Variants in RYR2 observed in about 807,000 individuals in gnomAD.
RYR2 encodes cardiac muscle ryanodine receptor-calcium release channel.
RYR2 carries 227 observed loss-of-function variants against 601.1 expected under a neutral mutation model. The ratio of observed to expected loss-of-function variants is 0.38; its 90% CI spans 0.34 to 0.42. The LOEUF (loss-of-function observed/expected upper bound fraction) is 0.42. Among genes scored for constraint, RYR2 ranks in the 10% least tolerant of loss-of-function variants. The pLI is 1.00. For missense variants in RYR2, 4,646 were observed against 6,156.5 expected (o/e 0.75, Z 8.21); for synonymous variants, 2,223 against 2,175.1 (o/e 1.02, Z -0.61).
chr1:237,083,637 C>T (rs2148413823), intron 1 of RYR2, among the ~76,000 whole-genome samples: 1 of 152,254 alleles, frequency 6.6e-6, no homozygotes, highest in South Asian at 2.1e-4. Flanking sequence ...TATTTACAAA[C>T]ATCTGCAGGT....
intron 1 of RYR2, among the ~76,000 whole-genome samples, chr1:237,155,568 C>G (rs1675234830): frequency 6.6e-6 from 1 of 152,108 alleles, no homozygotes; most frequent in Non-Finnish European, 1.5e-5. Flanking sequence ...GGAGATACTT[C>G]CAGTTTTGTA....
At chr1:237,506,180 T>C (rs1324650155) in intron 22 of RYR2, among the ~76,000 whole-genome samples, 1 of 148,794 alleles carries the variant, frequency 6.7e-6, no homozygotes, top group Non-Finnish European at 1.5e-5. Context: ...TTTTTTCTGG[T>C]GGCTCATAAA....
chr1:237,776,691 T>A (rs1694688929), intron 87 of RYR2, among the ~76,000 whole-genome samples: 1 of 151,972 alleles, frequency 6.6e-6, no homozygotes, highest in Non-Finnish European at 1.5e-5. Flanking sequence ...AACCCCAGGC[T>A]TCCTCTGGGT....
chr1:237,764,592 G>A (rs1215704122), intron 84 of RYR2, among the ~76,000 whole-genome samples: 2 of 151,754 alleles, frequency 1.3e-5, no homozygotes, highest in African/African-American at 2.4e-5. Context: ...GGGATTACAG[G>A]CCTGCCACCA....
chr1:237,397,332 T>C (rs1268482059), intron 10 of RYR2, among the ~76,000 whole-genome samples: 1 of 151,886 alleles, frequency 6.6e-6, no homozygotes, highest in Non-Finnish European at 1.5e-5. Flanking sequence ...TCTAAGCCGA[T>C]ATGAGTGACT....
In RYR2 at chr1:237,819,321, A is replaced by G. The variant is rs1286136636; in HGVS notation, c.14590+129A>G. 2.3e-6 allele frequency: 2 copies of G among 855,878 alleles called. No individual in the cohort carries two copies. The highest frequency in any genetic ancestry group is 2.4e-5 in the East Asian group (1 of 41,024). The allele number at this position is 855,878 out of a possible 1,614,324, so 53.0% of individuals were successfully genotyped here. A position where few individuals can be genotyped will look rare whatever the true frequency, so the allele number is the denominator to read the frequency against. On this transcript the variant is annotated intron_variant, in intron 101 of 104. Transcript: ENST00000366574. The surrounding 1 kb of genome is among the most constrained non-coding windows in gnomAD (Gnocchi z 4.0). ...AAAGCCAAATCAAACTTTTCCTTCC[A>G]GTATTTCTTCATCATGCAATCTACC...
At chr1:237,472,321 G>A (rs1467801355) in intron 17 of RYR2, among the ~76,000 whole-genome samples, 1 of 152,122 alleles carries the variant, frequency 6.6e-6, no homozygotes, top group African/African-American at 2.4e-5. Context: ...GATTCAAACT[G>A]AAGAATTCTT....
intron 24 of RYR2, among the ~76,000 whole-genome samples, chr1:237,514,182 G>C (rs1009203962): frequency 1.3e-5 from 2 of 152,146 alleles, no homozygotes; most frequent in African/African-American, 2.4e-5. Flanking sequence ...ATGTTTTATT[G>C]AAAGGTCAAG....
intron 25 of RYR2, among the ~76,000 whole-genome samples, chr1:237,540,815 G>A (rs1448474512): frequency 6.6e-6 from 1 of 151,862 alleles, no homozygotes; most frequent in Non-Finnish European, 1.5e-5. Context: ...CTAATGCTGT[G>A]AAGCTACTAC....
chr1:237,286,145 A>G (rs1833420), intron 2 of RYR2, among the ~76,000 whole-genome samples: 123,732 of 151,944 alleles, frequency 0.81, 50,480 homozygotes, highest in South Asian at 0.92. Flanking sequence ...TATTTTTGAT[A>G]TAGACATTTA....
rs1475492912 is a variant in RYR2, at chr1:237,496,563, A to G, written c.2014A>G (p.Lys672Glu). The change falls in exon 20 of 105, where the codon AAA becomes GAA. Residue 672 changes from lysine (K) to glutamate (E), a missense_variant. By Grantham distance (56) the Lys-to-Glu change is moderately conservative. This residue lies in a region of RYR2 where 1,807 missense variants were observed against 2,088.1 expected (regional missense o/e 0.87). Coordinates refer to ENST00000366574, the MANE Select transcript of RYR2 (RefSeq NM_001035.3). ...CAGTGAAGGTTCTGCTCAGTATAAGAAATGGTACTATGAATTGATGGTGGA... is the reference window on the plus strand; with the variant it reads ...CAGTGAAGGTTCTGCTCAGTATAAGGAATGGTACTATGAATTGATGGTGGA... The part of the protein sequence containing the change: ...GVSEGSAQYK[K>E]WYYELMVDHT... 1 of 1,614,014 alleles carries G rather than the reference A, an allele frequency of 6.2e-7. No homozygotes were observed. Among genetic ancestry groups the G allele is most frequent in the Admixed American group, 1.7e-5 (1 of 60,024 alleles).
At chr1:237,737,949 A>G (rs930181371) in intron 79 of RYR2, among the ~76,000 whole-genome samples, 2 of 152,198 alleles carry the variant, frequency 1.3e-5, no homozygotes, top group African/African-American at 4.8e-5. Flanking sequence ...AACCCATTTT[A>G]GACTATTGTT....
intron 57 of RYR2, among the ~76,000 whole-genome samples, chr1:237,667,344 C>T (rs1424182440): frequency 6.6e-6 from 1 of 151,982 alleles, no homozygotes; most frequent in Non-Finnish European, 1.5e-5. Flanking sequence ...CCCATATGAA[C>T]GTATTAAAAT....
In RYR2 at chr1:237,709,081, A is replaced by G. The variant is rs764396074; in HGVS notation, c.10125A>G (p.Arg3375=). The change falls in exon 69 of 105, where the codon AGA becomes AGG. Residue 3375 remains arginine (R), a synonymous_variant. Coordinates refer to ENST00000366574, the MANE Select transcript of RYR2 (RefSeq NM_001035.3). ...ATGCCTTCTACCCTCTCTTGATTAG[A>G]TTTGTGGACTATAACAGGTATGATC... The part of the protein sequence containing the change: ...DLYAFYPLLI[R]FVDYNRAKWL... 40 of 1,585,490 alleles carry G rather than the reference A, an allele frequency of 2.5e-5. No individual in the cohort carries two copies. The highest frequency in any genetic ancestry group is 3.3e-5 in the Non-Finnish European group (38 of 1,165,522).
At chr1:237,248,572 T>A (rs1687139394) in intron 1 of RYR2, among the ~76,000 whole-genome samples, 1 of 152,072 alleles carries the variant, frequency 6.6e-6, no homozygotes, top group Non-Finnish European at 1.5e-5. Flanking sequence ...TAGAAGAGGA[T>A]GTTTTAATGT....
chr1:237,217,265 A>G (rs932431303), intron 1 of RYR2, among the ~76,000 whole-genome samples: 5 of 152,186 alleles, frequency 3.3e-5, no homozygotes, highest in African/African-American at 1.2e-4. Context: ...GACTCAGGCT[A>G]TAGGTAGTCT....
intron 33 of RYR2, among the ~76,000 whole-genome samples, chr1:237,594,796 A>T (rs1342038973): frequency 6.0e-5 from 9 of 150,802 alleles, no homozygotes. Flanking sequence ...GAATGCTGAT[A>T]AGGCTCAAAT....
intron 58 of RYR2, among the ~76,000 whole-genome samples, chr1:237,670,988 T>A (rs1684874927): frequency 6.6e-6 from 1 of 152,212 alleles, no homozygotes; most frequent in African/African-American, 2.4e-5. Context: ...GCCAGATCGA[T>A]ATTTTCTTTA....
intron 55 of RYR2, 42 bp downstream of exon 55, chr1:237,660,116 C>G (rs1683633313): frequency 8.6e-7 from 1 of 1,165,646 alleles, no homozygotes; most frequent in Non-Finnish European, 1.2e-6. Context: ...AGTTTTTATT[C>G]TTTTGAAAAA....
Sources: gnomAD v4.1 joint callset for allele counts (sites outside exome capture counted in the v4.1 genomes callset) on GRCh38, gnomAD v4.1.1 for gene constraint, gnomAD v4.1.1 regional missense constraint, Gnocchi (gnomAD v3.1) non-coding constraint, MANE v1.5 for transcripts, NCBI Gene and HGNC (gene_info 2026-07-23, HGNC 2026-07-21) for gene names.